The following KDM3B variants were observed in gnomAD, a reference collection of about 807,000 sequenced individuals.
KDM3B encodes lysine demethylase 3B.
Under a neutral mutation model 170.0 loss-of-function variants are expected in KDM3B, and 10 were observed. The observed-to-expected ratio is 0.06, with a 90% confidence interval of 0.04 to 0.10. The LOEUF is 0.10. Ranked by LOEUF, KDM3B falls within the 10% of genes least tolerant of loss-of-function variation. The pLI, the probability that KDM3B is intolerant of heterozygous loss-of-function variation, is 1.00. For synonymous variants in KDM3B, 831 were observed against 834.8 expected (o/e 1.00, Z 0.08); for missense variants, 1,394 against 2,195.2 (o/e 0.64, Z 7.29).
intron 12 of KDM3B, among the ~76,000 whole-genome samples, chr5:138,416,222 A>G (rs1763099888): frequency 6.6e-6 from 1 of 152,130 alleles, no homozygotes; most frequent in East Asian, 1.9e-4. Flanking sequence ...TACCTTCTGT[A>G]CTTCCATTAA....
At chr5:138,356,819 T>A (rs1027844950) in intron 1 of KDM3B, among the ~76,000 whole-genome samples, 20 of 151,962 alleles carry the variant, frequency 1.3e-4, no homozygotes, top group African/African-American at 4.3e-4. Flanking sequence ...ATTTTTTGTA[T>A]TTTTAGTAGA....
In KDM3B at chr5:138,386,159, G is replaced by C; in HGVS notation, c.918G>C (p.Arg306Ser). 6.2e-7 allele frequency: 1 copy of C among 1,614,168 alleles called. No homozygotes were observed. Among genetic ancestry groups the C allele is most frequent in the Non-Finnish European group, 8.5e-7 (1 of 1,180,026 alleles). The change falls in exon 7 of 24, where the codon AGG (arginine) becomes AGC (serine). Residue 306 changes from arginine (R) to serine (S), a missense_variant. Coordinates refer to ENST00000314358, the MANE Select transcript of KDM3B (RefSeq NM_016604.4). Reference protein sequence around the residue: ...DPASKKLKGDRGEVDSNGSDG... With the variant: ...DPASKKLKGDSGEVDSNGSDG... ...CATCAAAGAAATTAAAAGGAGACAG[G>C]GGTGAAGTAGACAGTAATGGGAGCG...
chr5:138,433,305 G>A (rs1763585026), intron 23 of KDM3B, among the ~76,000 whole-genome samples: 2 of 151,136 alleles, frequency 1.3e-5, no homozygotes, highest in Non-Finnish European at 2.9e-5. Flanking sequence ...ATAGAGACGG[G>A]GTTTCACCAT....
At chr5:138,414,898 G>A (rs144920213) in intron 11 of KDM3B, among the ~76,000 whole-genome samples, 294 of 152,246 alleles carry the variant, frequency 1.9e-3, no homozygotes, top group African/African-American at 6.9e-3. Context: ...CGGAGGTTGC[G>A]GTGAGCCATG....
intron 11 of KDM3B, among the ~76,000 whole-genome samples, chr5:138,405,767 A>G (rs1762802657): frequency 6.6e-6 from 1 of 152,222 alleles, no homozygotes; most frequent in African/African-American, 2.4e-5. Context: ...AATAGTAACA[A>G]TATATTTTGG....
intron 1 of KDM3B, among the ~76,000 whole-genome samples, chr5:138,354,329 A>AT (rs1195742908): frequency 6.6e-6 from 1 of 152,216 alleles, no homozygotes; most frequent in African/African-American, 2.4e-5. Context: ...TGGAATGATG[A>AT]TTAAGACTGG....
chr5:138,353,461 C>T (rs1761380062), intron 1 of KDM3B, among the ~76,000 whole-genome samples: 1 of 152,198 alleles, frequency 6.6e-6, no homozygotes, highest in Non-Finnish European at 1.5e-5. Flanking sequence ...TTATGGGAGG[C>T]ACGGAGGCTG....
chr5:138,414,597 GTTCA>G (rs1763056382), intron 11 of KDM3B, among the ~76,000 whole-genome samples: 1 of 152,178 alleles, frequency 6.6e-6, no homozygotes. Flanking sequence ...TGTGGTAGTT[GTTCA>G]TTCAGTTTCT....
intron 1 of KDM3B, among the ~76,000 whole-genome samples, chr5:138,353,252 G>T (rs1422662152): frequency 1.3e-5 from 2 of 152,220 alleles, no homozygotes; most frequent in African/African-American, 2.4e-5. Context: ...CGCCTCCTGG[G>T]CGACCCTTTT....
chr5:138,365,974 G>A (rs907752408), intron 1 of KDM3B, among the ~76,000 whole-genome samples: 2 of 151,968 alleles, frequency 1.3e-5, no homozygotes, highest in Admixed American at 1.3e-4. Flanking sequence ...CTCTAGCCTG[G>A]GTGACAGAGT....
intron 12 of KDM3B, among the ~76,000 whole-genome samples, chr5:138,417,180 G>A (rs1763127313): frequency 2.0e-5 from 3 of 152,140 alleles, no homozygotes; most frequent in Non-Finnish European, 2.9e-5. Flanking sequence ...GGAGGATACC[G>A]TGTTAATGTT....
At chr5:138,397,938 C>CT in intron 9 of KDM3B, 1 of 401,772 alleles carries the variant, frequency 2.5e-6, no homozygotes, top group South Asian at 4.1e-5. Context: ...AGGTGTAGAA[C>CT]AGGTGAATGG....
chr5:138,426,436 A>C (rs564603925), intron 17 of KDM3B, among the ~76,000 whole-genome samples: 23 of 151,864 alleles, frequency 1.5e-4, no homozygotes, highest in Admixed American at 3.9e-4. Flanking sequence ...TTAGCCGGGC[A>C]TGGTGGCAGA....
intron 3 of KDM3B, among the ~76,000 whole-genome samples, chr5:138,375,795 G>C (rs953933316): frequency 2.0e-5 from 3 of 152,106 alleles, no homozygotes; most frequent in Non-Finnish European, 4.4e-5. Context: ...TCCTGCCTCA[G>C]CCTCCCAAGT....
chr5:138,429,943 A>G lies in KDM3B; in HGVS notation c.4871A>G (p.Lys1624Arg). Residue 1624 changes from lysine (K) to arginine (R), a missense_variant, in exon 21 of 24, where the codon AAG becomes AGG. Lys to Arg is a conservative substitution (Grantham distance 26, BLOSUM62 2). Around this residue, in one of 19 missense-constraint regions of KDM3B, gnomAD observed 79 missense variants for 270.5 expected, o/e 0.29. Transcript: ENST00000314358. ...ATCTATGCAGCCAAGGATGCAGAGA[A>G]GATCCGGGAGCTGCTCCGAAAGGTA... ...WHIYAAKDAEKIRELLRKVGE... is the reference protein window; with the variant it reads ...WHIYAAKDAERIRELLRKVGE... 1.2e-6 allele frequency: 2 copies of G among 1,614,222 alleles called. No homozygotes were observed. The highest frequency in any genetic ancestry group is 1.7e-6 in the Non-Finnish European group (2 of 1,180,030).
At chr5:138,394,513 C>G (rs1249326353) in intron 9 of KDM3B, among the ~76,000 whole-genome samples, 1 of 152,210 alleles carries the variant, frequency 6.6e-6, no homozygotes, top group Non-Finnish European at 1.5e-5. Flanking sequence ...AGTTGAGGAA[C>G]AGCCTGCAGG....
At chr5:138,370,389 C>T (rs992875810) in intron 1 of KDM3B, among the ~76,000 whole-genome samples, 13 of 151,992 alleles carry the variant, frequency 8.6e-5, no homozygotes, top group Admixed American at 2.0e-4. Context: ...GAGATTAAAC[C>T]GATAGCTAGG....
intron 1 of KDM3B, among the ~76,000 whole-genome samples, chr5:138,365,039 A>C (rs1440022432): frequency 6.6e-6 from 1 of 152,244 alleles, no homozygotes; most frequent in Non-Finnish European, 1.5e-5. Flanking sequence ...TATTCAACTC[A>C]TGCATCTTCG....
chr5:138,364,041 C>A (rs958440816), intron 1 of KDM3B, among the ~76,000 whole-genome samples: 2 of 151,812 alleles, frequency 1.3e-5, no homozygotes, highest in African/African-American at 4.8e-5. Context: ...CTCAGCCTCC[C>A]AAGTAGCTGG....
Sources: gnomAD v4.1 joint callset for allele counts (sites outside exome capture counted in the v4.1 genomes callset) on GRCh38, gnomAD v4.1.1 for gene constraint, gnomAD v4.1.1 regional missense constraint, MANE v1.5 for transcripts, NCBI Gene and HGNC (gene_info 2026-07-23, HGNC 2026-07-21) for gene names.